The following MMP26 variants were observed in gnomAD, a reference collection of about 807,000 sequenced individuals.
MMP26 encodes the protein matrix metallopeptidase 26.
A neutral mutation model predicts 31.0 loss-of-function variants in MMP26; 33 were observed. The ratio of observed to expected loss-of-function variants is 1.06; its 90% CI spans 0.81 to 1.42. The LOEUF (loss-of-function observed/expected upper bound fraction) is 1.42, where lower values mean the gene tolerates loss of function less well. MMP26 is among the 40% of genes most tolerant of loss of function. The pLI, the probability that MMP26 is intolerant of heterozygous loss-of-function variation, is 0.00. For synonymous variants in MMP26, 122 were observed against 114.9 expected, an observed-to-expected ratio of 1.06 and a Z score of -0.40; for missense variants, 347 against 316.1, an observed-to-expected ratio of 1.10 and a Z score of -0.74.
intron 2 of MMP26, among the ~76,000 whole-genome samples, chr11:4,835,504 A>C (rs1477620766): frequency 6.6e-6 from 1 of 152,148 alleles, no homozygotes; most frequent in Admixed American, 6.5e-5. Flanking sequence ...GGGTATTAAT[A>C]ACAACCACTA....
chr11:4,903,883 G>A (rs1236637154), intron 2 of MMP26: 1 of 152,054 alleles, frequency 6.6e-6, no homozygotes, highest in Non-Finnish European at 1.5e-5. Context: ...ATGTCTATGG[G>A]GAGGAAGAGT....
At chr11:4,803,200 A>T (rs950535578) in intron 2 of MMP26, among the ~76,000 whole-genome samples, 1 of 152,194 alleles carries the variant, frequency 6.6e-6, no homozygotes, top group Admixed American at 6.5e-5. Flanking sequence ...TATTGTTTCC[A>T]TGTGATGATG....
At chr11:4,905,124 A>G (rs1372127681) in intron 2 of MMP26, among the ~76,000 whole-genome samples, 2 of 152,140 alleles carry the variant, frequency 1.3e-5, no homozygotes, top group Admixed American at 6.5e-5. Context: ...AACTTATTTT[A>G]TGACTACTGA....
intron 1 of MMP26, among the ~76,000 whole-genome samples, chr11:4,727,467 A>AT (rs527974151): frequency 3.9e-5 from 6 of 152,256 alleles, no homozygotes; most frequent in African/African-American, 1.2e-4. Flanking sequence ...AAAAATCTGT[A>AT]TTTTTTAAAA....
intron 1 of MMP26, among the ~76,000 whole-genome samples, chr11:4,742,875 G>A (rs974595732): frequency 6.6e-6 from 1 of 152,018 alleles, no homozygotes; most frequent in Non-Finnish European, 1.5e-5. Context: ...TTATTTCATT[G>A]AATTTAAAAT....
chr11:4,720,614 A>G (rs1054562652), intron 1 of MMP26, among the ~76,000 whole-genome samples: 6 of 152,190 alleles, frequency 3.9e-5, no homozygotes, highest in African/African-American at 1.4e-4. Flanking sequence ...TACTTATATG[A>G]CCTTGGGAAC....
At chr11:4,876,523 T>C (rs1218534483) in intron 2 of MMP26, 2 of 152,172 alleles carry the variant, frequency 1.3e-5, no homozygotes, top group African/African-American at 2.4e-5. Flanking sequence ...TAATGAGCTC[T>C]TCTCTATTTT....
chr11:4,941,839 A>G (rs1846211439), intron 2 of MMP26, among the ~76,000 whole-genome samples: 1 of 151,796 alleles, frequency 6.6e-6, no homozygotes, highest in Non-Finnish European at 1.5e-5. Context: ...TAATCCCAGC[A>G]CTTTGGGAGG....
At position 4,851,130 on chromosome 11, in the gene MMP26, A is replaced by G. The variant is rs151284758; in HGVS notation, c.-145+83789A>G. 7.2e-5 allele frequency among the ~76,000 whole-genome samples: 11 copies of G among 152,342 alleles called. No homozygotes were observed. The East Asian group carries it at 1.9e-3, about 27-fold the overall frequency. ...GACACCCTGGAAATCCATTAGAGATATAAGCTTGTTTATTGAAACGACTGA... is the reference window on the plus strand; with the variant it reads ...GACACCCTGGAAATCCATTAGAGATGTAAGCTTGTTTATTGAAACGACTGA... On this transcript the variant is annotated intron_variant, in intron 2 of 7. Transcript: ENST00000380390.
chr11:4,738,807 GA>G (rs1206298756), intron 1 of MMP26, among the ~76,000 whole-genome samples: 6 of 149,544 alleles, frequency 4.0e-5, no homozygotes, highest in South Asian at 2.1e-4. Context: ...CCTGCCTTAA[GA>G]AAAAAAAACC....
intron 1 of MMP26, among the ~76,000 whole-genome samples, chr11:4,763,939 T>C (rs1373657205): frequency 6.6e-6 from 1 of 152,218 alleles, no homozygotes; most frequent in Non-Finnish European, 1.5e-5. Flanking sequence ...TTCCTAAAGT[T>C]GTCAGAATAA....
chr11:4,743,918 G>A (rs1289225459), intron 1 of MMP26, among the ~76,000 whole-genome samples: 4 of 152,092 alleles, frequency 2.6e-5, no homozygotes, highest in South Asian at 4.2e-4. Context: ...TGATACTCCC[G>A]CCTCAACCTC....
At chr11:4,795,485 G>A (rs1172049016) in intron 2 of MMP26, among the ~76,000 whole-genome samples, 1 of 152,172 alleles carries the variant, frequency 6.6e-6, no homozygotes, top group Admixed American at 6.5e-5. Context: ...CGTATCATAT[G>A]TAAATCAACA....
chr11:4,789,670 A>T (rs1249176562), intron 2 of MMP26, among the ~76,000 whole-genome samples: 2 of 148,506 alleles, frequency 1.3e-5, no homozygotes, highest in Non-Finnish European at 3.0e-5. Flanking sequence ...CCTCTTGAGT[A>T]GCTGGGACTA....
chr11:4,965,669 T>C (rs1281388304), intron 2 of MMP26, among the ~76,000 whole-genome samples: 1 of 152,214 alleles, frequency 6.6e-6, no homozygotes, highest in African/African-American at 2.4e-5. Context: ...CTGGGTTATC[T>C]GATTCCAAAC....
intron 2 of MMP26, among the ~76,000 whole-genome samples, chr11:4,773,463 A>C (rs1391090759): frequency 1.3e-5 from 2 of 152,164 alleles, no homozygotes; most frequent in Non-Finnish European, 2.9e-5. Flanking sequence ...AGAATCTAGC[A>C]ACACTTCATA....
intron 2 of MMP26, among the ~76,000 whole-genome samples, chr11:4,918,958 G>A (rs566737723): frequency 3.3e-5 from 5 of 152,220 alleles, no homozygotes; most frequent in Admixed American, 6.5e-5. Flanking sequence ...TTTAATAACC[G>A]AGCTCGTTTC....
At chr11:4,908,467 A>C in intron 2 of MMP26, 1 of 680,840 alleles carries the variant, frequency 1.5e-6, no homozygotes, top group Non-Finnish European at 2.5e-6. Context: ...ATAACTGAAC[A>C]GGATAGAAAA....
intron 2 of MMP26, among the ~76,000 whole-genome samples, chr11:4,982,375 A>G (rs143491429): frequency 2.2e-4 from 33 of 152,248 alleles, no homozygotes; most frequent in Non-Finnish European, 4.4e-4. Flanking sequence ...CTTCATTACA[A>G]TCTTATGGGA....
Sources: allele counts gnomAD v4.1 joint callset (sites outside exome capture counted in the v4.1 genomes callset), GRCh38; gene constraint gnomAD v4.1.1; transcripts MANE v1.5; gene names NCBI Gene and HGNC (gene_info 2026-07-23, HGNC 2026-07-21).